PDE4D: variants seen among roughly 807,000 people sequenced by gnomAD.
PDE4D encodes the protein 3',5'-cyclic-AMP phosphodiesterase 4D.
PDE4D carries 24 observed loss-of-function variants against 87.4 expected under a neutral mutation model. The ratio of observed to expected loss-of-function variants is 0.27; its 90% CI spans 0.20 to 0.39. The LOEUF (loss-of-function observed/expected upper bound fraction) is 0.39, where lower values mean the gene tolerates loss of function less well. Ranked by LOEUF, PDE4D falls within the 10% of genes least tolerant of loss-of-function variation. The pLI, the probability that PDE4D is intolerant of heterozygous loss-of-function variation, is 1.00. For synonymous variants in PDE4D, 384 were observed against 383.2 expected (o/e 1.00, Z -0.02); for missense variants, 714 against 1,041.0 (o/e 0.69, Z 4.32).
chr5:59,146,344 A>G (rs1173583429), intron 5 of PDE4D, among the ~76,000 whole-genome samples: 6 of 152,320 alleles, frequency 3.9e-5, no homozygotes, highest in East Asian at 1.9e-4. Flanking sequence ...ATTTGTTTAC[A>G]TAATACACAA....
At chr5:59,017,125 T>C (rs1342843598) in intron 6 of PDE4D, among the ~76,000 whole-genome samples, 1 of 152,118 alleles carries the variant, frequency 6.6e-6, no homozygotes, top group African/African-American at 2.4e-5. Context: ...GTCTACGGAA[T>C]GAGAGCCGAG....
At chr5:60,192,409 C>T (rs1191207672) in intron 1 of PDE4D, among the ~76,000 whole-genome samples, 2 of 152,166 alleles carry the variant, frequency 1.3e-5, no homozygotes, top group South Asian at 2.1e-4. Context: ...TGGTATTATA[C>T]ACTTTTATAT....
chr5:59,916,771 A>G (rs1362564708), intron 3 of PDE4D, among the ~76,000 whole-genome samples: 1 of 151,870 alleles, frequency 6.6e-6, no homozygotes, highest in African/African-American at 2.4e-5. Context: ...TTGCAAATCT[A>G]TAAAACTACA....
intron 2 of PDE4D, among the ~76,000 whole-genome samples, chr5:60,048,635 G>A (rs1461576939): frequency 6.6e-6 from 1 of 151,828 alleles, no homozygotes; most frequent in Non-Finnish European, 1.5e-5. Flanking sequence ...AGCTTAGTTT[G>A]GCTGGATATG....
At chr5:59,087,475 C>T (rs1464345778) in intron 5 of PDE4D, among the ~76,000 whole-genome samples, 1 of 151,876 alleles carries the variant, frequency 6.6e-6, no homozygotes, top group Non-Finnish European at 1.5e-5. Flanking sequence ...CAGAGCAAGA[C>T]CCTATCTCAA....
At chr5:60,286,282 TACA>T (rs2149760169) in intron 1 of PDE4D, among the ~76,000 whole-genome samples, 1 of 152,280 alleles carries the variant, frequency 6.6e-6, no homozygotes, top group African/African-American at 2.4e-5. Context: ...TCCCATGAAA[TACA>T]ACAAGCCATT....
intron 3 of PDE4D, among the ~76,000 whole-genome samples, chr5:59,979,421 G>GTTGTGTGTGTGTGT (rs1761678899): frequency 2.0e-5 from 3 of 147,630 alleles, no homozygotes; most frequent in Non-Finnish European, 4.5e-5. Flanking sequence ...CACAGCAAGG[G>GTTGTGTGTGTGTGT]GTGTGTGTGT....
chr5:59,191,234 T>C (rs1396332784), intron 3 of PDE4D, among the ~76,000 whole-genome samples: 1 of 152,130 alleles, frequency 6.6e-6, no homozygotes, highest in Non-Finnish European at 1.5e-5. Flanking sequence ...AAATATCTAA[T>C]CAGGTAAAAG....
chr5:59,734,321 G>C (rs773606868), intron 1 of PDE4D, among the ~76,000 whole-genome samples: 6 of 151,926 alleles, frequency 3.9e-5, no homozygotes, highest in Non-Finnish European at 8.8e-5. Context: ...ATCTGATGTT[G>C]AACTTTCCAA....
At position 60,345,434 on chromosome 5, in the gene PDE4D, C is replaced by T. The variant is rs964117092; in HGVS notation, c.-90+142508G>A. ...CATGTTGTGCACATGTACCCTAGAA[C>T]GTAAAGTATAATAATAAATAAATAA... On this transcript the variant is annotated intron_variant, in intron 1 of 16. Transcript: ENST00000502484. Among the ~76,000 whole-genome samples, 22 of 146,238 alleles carry T rather than the reference C, an allele frequency of 1.5e-4. No homozygotes were observed. The East Asian group carries it at 3.6e-3, about 24-fold the overall frequency.
chr5:60,036,113 T>C (rs1399375854), intron 2 of PDE4D, among the ~76,000 whole-genome samples: 1 of 152,232 alleles, frequency 6.6e-6, no homozygotes, highest in Admixed American at 6.5e-5. Flanking sequence ...CATATTCATT[T>C]TGGGTTGATA....
rs368177859 is a variant in PDE4D at position 59,662,344 on chromosome 5, AG to A, written c.455+230823del. 4.5e-3 allele frequency among the ~76,000 whole-genome samples: 692 copies of A among 152,348 alleles called. 3 individuals are homozygous for A. The highest frequency in any genetic ancestry group is 0.016 in the African/African-American group (675 of 41,580). On this transcript the variant is annotated intron_variant, in intron 1 of 14. Coordinates refer to ENST00000340635, the MANE Select transcript of PDE4D (RefSeq NM_001104631.2). ...TGTCAATGGTCACAATTCAGGAGAA[AG>A]GACAAGGTATACTGCAACACCTGGG...
At chr5:60,445,064 G>A (rs765060136) in intron 1 of PDE4D, among the ~76,000 whole-genome samples, 8 of 152,050 alleles carry the variant, frequency 5.3e-5, no homozygotes, top group South Asian at 2.1e-4. Flanking sequence ...CAAGCAGGGC[G>A]TAACGTGATC....
chr5:59,133,441 C>CACA (rs1472178083), intron 5 of PDE4D, among the ~76,000 whole-genome samples: 1 of 152,080 alleles, frequency 6.6e-6, no homozygotes, highest in African/African-American at 2.4e-5. Context: ...AAGCATTTGG[C>CACA]ACAACACCTG....
intron 1 of PDE4D, among the ~76,000 whole-genome samples, chr5:59,420,480 C>G (rs768183055): frequency 6.6e-6 from 1 of 152,158 alleles, no homozygotes; most frequent in Non-Finnish European, 1.5e-5. Context: ...GGATTCCCAG[C>G]ATCTATCAGC....
At chr5:59,571,236 T>C (rs1462687424) in intron 1 of PDE4D, among the ~76,000 whole-genome samples, 1 of 152,258 alleles carries the variant, frequency 6.6e-6, no homozygotes, top group African/African-American at 2.4e-5. Flanking sequence ...GAACAATATA[T>C]GCCAGGCTGA....
At chr5:60,061,787 A>G (rs1293670658) in intron 2 of PDE4D, among the ~76,000 whole-genome samples, 2 of 151,984 alleles carry the variant, frequency 1.3e-5, no homozygotes, top group Admixed American at 1.3e-4. Context: ...CTGATCTTCA[A>G]CAAACTTGAC....
intron 1 of PDE4D, among the ~76,000 whole-genome samples, chr5:59,542,743 C>G (rs762343904): frequency 6.6e-6 from 1 of 152,130 alleles, no homozygotes; most frequent in Middle Eastern, 3.4e-3. Flanking sequence ...CATAGAAGAC[C>G]AACACCTGCC....
intron 1 of PDE4D, among the ~76,000 whole-genome samples, chr5:59,341,960 ACT>A (rs1280455392): frequency 6.6e-6 from 1 of 152,110 alleles, no homozygotes; most frequent in Non-Finnish European, 1.5e-5. Flanking sequence ...TACTTGAATA[ACT>A]CTAATGATGT....
Sources: gnomAD v4.1 joint callset for allele counts (sites outside exome capture counted in the v4.1 genomes callset) on GRCh38, gnomAD v4.1.1 for gene constraint, MANE v1.5 for transcripts, NCBI Gene and HGNC (gene_info 2026-07-23, HGNC 2026-07-21) for gene names.